The following PGPEP1L variants were observed in gnomAD, a reference collection of about 807,000 sequenced individuals.
The protein encoded by PGPEP1L is pyroglutamyl-peptidase I like.
PGPEP1L carries 7 observed loss-of-function variants against 6.0 expected under a neutral mutation model. The observed-to-expected ratio is 1.17, with a 90% confidence interval of 0.66 to 2.19. The LOEUF is 2.19. Ranked by LOEUF, PGPEP1L falls within the 30% of genes most tolerant of loss-of-function variation. The probability of loss-of-function intolerance (pLI) is 0.00; values close to 1 mark genes in which losing one functional copy is unlikely to be tolerated. For missense variants in PGPEP1L, 209 were observed against 192.5 expected, an observed-to-expected ratio of 1.09 and a Z score of -0.51; for synonymous variants, 103 against 83.9, an observed-to-expected ratio of 1.23 and a Z score of -1.24.
At chr15:98,991,460 T>A (rs1555472065) in intron 2 of PGPEP1L, among the ~76,000 whole-genome samples, 1 of 152,190 alleles carries the variant, frequency 6.6e-6, no homozygotes, top group African/African-American at 2.4e-5. Flanking sequence ...ATTGAGGCAC[T>A]AATTGATAGC....
At chr15:98,993,450 G>A (rs2017844709) in intron 2 of PGPEP1L, among the ~76,000 whole-genome samples, 1 of 152,210 alleles carries the variant, frequency 6.6e-6, no homozygotes, top group African/African-American at 2.4e-5. Flanking sequence ...GGAAACAACA[G>A]ATGCTGGAGA....
Position 98,968,309 on chromosome 15 carries a change from G to A in PGPEP1L, c.*169C>T, listed in dbSNP as rs1394733271. On this transcript the variant is annotated 3_prime_UTR_variant, in exon 5 of 5. Coordinates refer to ENST00000535714, the MANE Select transcript of PGPEP1L (RefSeq NM_001167902.2). ...CTGTGAAATGTCCACCTTTCAGAGTGTTCTTTCTCCTGACAATAAAATAAC... is the reference window on the plus strand; with the variant it reads ...CTGTGAAATGTCCACCTTTCAGAGTATTCTTTCTCCTGACAATAAAATAAC... 2 of 660,636 alleles carry A rather than the reference G, an allele frequency of 3.0e-6. No homozygotes were observed. The highest frequency in any genetic ancestry group is 5.2e-6 in the Non-Finnish European group (2 of 386,120). The allele number at this position is 660,636 out of a possible 1,614,324, so 40.9% of individuals were successfully genotyped here. A position where few individuals can be genotyped will look rare whatever the true frequency, so the allele number is the denominator to read the frequency against.
chr15:98,975,962 C>A, intron 2 of PGPEP1L, among the ~76,000 whole-genome samples: 1 of 150,240 alleles, frequency 6.7e-6, no homozygotes, highest in Non-Finnish European at 1.5e-5. Flanking sequence ...GTGAAATAAG[C>A]CAGATTAAAA....
At chr15:98,981,431 A>G (rs903252297) in intron 2 of PGPEP1L, among the ~76,000 whole-genome samples, 1 of 147,982 alleles carries the variant, frequency 6.8e-6, no homozygotes, top group Non-Finnish European at 1.5e-5. Context: ...CAGAGCTTGC[A>G]GTGAGCCGAG....
At chr15:98,998,346 G>A (rs1056295568) in intron 2 of PGPEP1L, among the ~76,000 whole-genome samples, 2 of 152,152 alleles carry the variant, frequency 1.3e-5, no homozygotes, top group African/African-American at 2.4e-5. Flanking sequence ...TGCCAACCTG[G>A]GAGCATTCTC....
Position 98,994,190 on chromosome 15 carries a change from TG to T in PGPEP1L, c.-142+11238del, listed in dbSNP as rs1351305231. On this transcript the variant is annotated intron_variant, in intron 2 of 4. Coordinates refer to ENST00000535714, the MANE Select transcript of PGPEP1L (RefSeq NM_001167902.2). Reference sequence around the variant, plus strand: ...CTGAGGCAGGAGAATAGCTTGAACCTGGGATGTGGAGGTTGCAGTGAGCCAA... The same window carrying T: ...CTGAGGCAGGAGAATAGCTTGAACCTGGATGTGGAGGTTGCAGTGAGCCAA... Among the ~76,000 whole-genome samples the T allele has an allele frequency of 5.9e-5, 9 of 151,898 alleles. No individual in the cohort carries two copies. The South Asian group carries it at 1.9e-3, about 32-fold the overall frequency.
intron 2 of PGPEP1L, 46 bp from the exon 3 acceptor site, chr15:98,971,204 G>A (rs759725230): frequency 1.8e-5 from 6 of 324,848 alleles, no homozygotes; most frequent in East Asian, 1.2e-4. Context: ...TGGGGGGGGG[G>A]GGGGGGTGGG....
At chr15:98,991,398 A>G (rs962861417) in intron 2 of PGPEP1L, among the ~76,000 whole-genome samples, 1 of 152,188 alleles carries the variant, frequency 6.6e-6, no homozygotes, top group Non-Finnish European at 1.5e-5. Context: ...CCCTCCCAAG[A>G]TTAAACCAGG....
At chr15:99,002,532 C>A (rs2017988249) in intron 2 of PGPEP1L, among the ~76,000 whole-genome samples, 1 of 152,150 alleles carries the variant, frequency 6.6e-6, no homozygotes, top group African/African-American at 2.4e-5. Flanking sequence ...TTGAATTATA[C>A]CAATGTCAAT....
chr15:98,968,973 A>T (rs1051215265), intron 4 of PGPEP1L, among the ~76,000 whole-genome samples: 3 of 152,192 alleles, frequency 2.0e-5, no homozygotes, highest in Non-Finnish European at 4.4e-5. Flanking sequence ...CCTCTCATTC[A>T]TGTCTTCGTT....
At chr15:98,992,182 T>C (rs1390523204) in intron 2 of PGPEP1L, among the ~76,000 whole-genome samples, 2 of 152,202 alleles carry the variant, frequency 1.3e-5, no homozygotes, top group South Asian at 2.1e-4. Flanking sequence ...GATGAAATGA[T>C]TGTATATTTA....
Position 98,969,430 on chromosome 15 carries a change from T to C in PGPEP1L, c.204A>G (p.Ala68=). ...CTGACACCCACAGAGCATACCTGCC[T>C]GCATCTCGGGAAAAGATCACGTCGA... ...EGVDVIFSRD[A]GRYVCDYTYY... Residue 68 remains alanine, a synonymous_variant, in exon 4 of 5, where the codon GCA becomes GCG. Coordinates refer to ENST00000535714, the MANE Select transcript of PGPEP1L (RefSeq NM_001167902.2). The C allele has an allele frequency of 6.2e-7, 1 of 1,613,972 alleles. No individual in the cohort carries two copies. Among genetic ancestry groups the C allele is most frequent in the Non-Finnish European group, 8.5e-7 (1 of 1,179,886 alleles).
chr15:98,969,596 G>C lies in PGPEP1L; in HGVS notation c.38C>G (p.Ser13Cys), dbSNP rs747143833. ...GTCCCGGTAGCCTTGGTTCTTGCCAGACTGTTCCAGAATGATCGCCTTGGC... is the reference window on the plus strand; with the variant it reads ...GTCCCGGTAGCCTTGGTTCTTGCCACACTGTTCCAGAATGATCGCCTTGGC... ...TAAKAIILEQ[S>C]GKNQGYRDAD... The change falls in exon 4 of 5, where the codon TCT (serine) becomes TGT (cysteine). Residue 13 changes from serine (S) to cysteine (C), a missense_variant. Ser to Cys is a moderately radical substitution (Grantham distance 112). Coordinates refer to ENST00000535714, the MANE Select transcript of PGPEP1L (RefSeq NM_001167902.2). 2 of 1,613,570 alleles carry C rather than the reference G, an allele frequency of 1.2e-6. No individual in the cohort carries two copies. The highest frequency in any genetic ancestry group is 1.7e-6 in the Non-Finnish European group (2 of 1,179,896).
chr15:99,004,500 A>G (rs2151767910), intron 2 of PGPEP1L, among the ~76,000 whole-genome samples: 1 of 152,244 alleles, frequency 6.6e-6, no homozygotes, highest in South Asian at 2.1e-4. Flanking sequence ...CGGGCAGATC[A>G]CAAGGTCAAG....
At chr15:98,990,351 CAA>C (rs1438731176) in intron 2 of PGPEP1L, among the ~76,000 whole-genome samples, 5 of 151,628 alleles carry the variant, frequency 3.3e-5, no homozygotes, top group African/African-American at 1.2e-4. Flanking sequence ...CAACAAAGAT[CAA>C]AAGAGACAAA....
At chr15:98,970,958 G>GA in intron 3 of PGPEP1L, 78 bp downstream of exon 3, 1 of 1,582,692 alleles carries the variant, frequency 6.3e-7, no homozygotes, top group Non-Finnish European at 8.6e-7. Flanking sequence ...ATCAACCCTA[G>GA]AACCAGGACC....
rs184866454 is a variant in PGPEP1L, at chr15:98,994,314, C to T, written c.-142+11115G>A. On this transcript the variant is annotated intron_variant, in intron 2 of 4. Transcript: ENST00000535714. ...GATTATCCTTCTTGGCCTATAAAAG[C>T]TTTCATTGTCTTACATTTTAGTTCA... Among the ~76,000 whole-genome samples, 321 of 152,102 alleles carry T rather than the reference C, an allele frequency of 2.1e-3. 1 individual carries two copies. The highest frequency in any genetic ancestry group is 3.4e-3 in the Non-Finnish European group (229 of 68,000).
At chr15:98,994,903 T>C (rs1276408965) in intron 2 of PGPEP1L, among the ~76,000 whole-genome samples, 3 of 152,262 alleles carry the variant, frequency 2.0e-5, no homozygotes, top group African/African-American at 7.2e-5. Flanking sequence ...TGGCTTTTAC[T>C]GTTGCCTTTG....
intron 2 of PGPEP1L, among the ~76,000 whole-genome samples, chr15:99,004,692 T>A: frequency 6.6e-6 from 1 of 152,176 alleles, no homozygotes; most frequent in East Asian, 1.9e-4. Context: ...CACTCTAGCC[T>A]AGCGACAGAA....
Sources: allele counts gnomAD v4.1 joint callset (sites outside exome capture counted in the v4.1 genomes callset), GRCh38; gene constraint gnomAD v4.1.1; transcripts MANE v1.5; gene names NCBI Gene and HGNC (gene_info 2026-07-23, HGNC 2026-07-21).